The following MSN variants were observed in gnomAD, a reference collection of about 807,000 sequenced individuals.
MSN encodes the protein epididymis luminal protein 70.
In MSN, 2 loss-of-function variants were observed where a neutral mutation model predicts 48.0. That is an observed-to-expected ratio of 0.04 (90% CI 0.02 to 0.13). The LOEUF is 0.13. MSN is among the 10% of genes least tolerant of loss of function. The pLI is 1.00. For synonymous variants in MSN, 146 were observed against 166.9 expected, an observed-to-expected ratio of 0.87 and a Z score of 0.97; for missense variants, 267 against 470.1, an observed-to-expected ratio of 0.57 and a Z score of 3.99.
chrX:65,588,492 A>G, exon 1 of MSN: 1 of 735,075 alleles, frequency 1.4e-6, no homozygotes, highest in Non-Finnish European at 1.7e-6. Flanking sequence ...AGGGGCAGCC[A>G]TGAGCTCCGG....
intron 1 of MSN, among the ~76,000 whole-genome samples, chrX:65,612,780 C>T (rs1364903157): frequency 1.9e-5 from 2 of 107,977 alleles, no homozygotes; most frequent in Non-Finnish European, 3.8e-5. Flanking sequence ...AGACTGGTCT[C>T]AAGTGATTCC....
chrX:65,608,643 G>A (rs1476678047), intron 1 of MSN, among the ~76,000 whole-genome samples: 2 of 111,105 alleles, frequency 1.8e-5, no homozygotes. Context: ...AGTGTGTGCT[G>A]AGGGTTATGG....
chrX:65,638,830 AG>A (rs1454852459), intron 1 of MSN, among the ~76,000 whole-genome samples: 6 of 112,758 alleles, frequency 5.3e-5, no homozygotes, highest in Non-Finnish European at 1.1e-4. Context: ...CTGGGATTAC[AG>A]GTGTGAGCCA....
In MSN at chrX:65,740,924, C is replaced by G. The variant is rs1479468786; in HGVS notation, c.*1031C>G. 5.9e-6 allele frequency: 1 copy of G among 170,048 alleles called. No homozygotes were observed. The highest frequency in any genetic ancestry group is 3.0e-5 in the African/African-American group (1 of 33,863). The allele number at this position is 170,048 out of a possible 1,213,427, so 14.0% of individuals were successfully genotyped here. On this transcript the variant is annotated 3_prime_UTR_variant, in exon 13 of 13. Transcript: ENST00000360270. Reference sequence around the variant, plus strand: ...AGAGCTACTTGGGCCATAGCTCCTGCTCCACAGCCATCCCAGCCTTGGCAT... The same window carrying G: ...AGAGCTACTTGGGCCATAGCTCCTGGTCCACAGCCATCCCAGCCTTGGCAT...
At chrX:65,725,693 G>A (rs2071561721) in intron 2 of MSN, among the ~76,000 whole-genome samples, 1 of 111,957 alleles carries the variant, frequency 8.9e-6, no homozygotes, top group Non-Finnish European at 1.9e-5. Context: ...GGCAGTTCCA[G>A]CTGCCTATTG....
Position 65,716,868 on chromosome X carries a change from G to A in MSN, c.63G>A (p.Gln21=), listed in dbSNP as rs774220844. The A allele has an allele frequency of 8.3e-7, 1 of 1,210,252 alleles. No individual in the cohort carries two copies. Among genetic ancestry groups the A allele is most frequent in the South Asian group, 1.8e-5 (1 of 56,876 alleles). Residue 21 remains glutamine, a synonymous_variant, in exon 2 of 13, where the codon CAG becomes CAA. Transcript: ENST00000360270. ...TMDAELEFAI[Q]PNTTGKQLFD... is the part of the protein sequence containing the mutation. ...ATGCAGAGCTGGAGTTTGCCATCCA[G>A]CCCAACACCACCGGGAAGCAGCTAT...
upstream of MSN, among the ~76,000 whole-genome samples, chrX:65,663,751 G>T (rs2070842938): frequency 9.0e-6 from 1 of 111,133 alleles, no homozygotes; most frequent in African/African-American, 3.3e-5. Context: ...GAAAATGGTT[G>T]ACTGGATAAA....
chrX:65,649,119 T>C (rs1174188610), intron 1 of MSN, among the ~76,000 whole-genome samples: 1 of 108,306 alleles, frequency 9.2e-6, no homozygotes, highest in African/African-American at 3.3e-5. Context: ...AGGCAGAGTG[T>C]ATTACTTCAG....
intron 1 of MSN, among the ~76,000 whole-genome samples, chrX:65,647,491 G>A (rs897285304): frequency 8.9e-5 from 10 of 112,655 alleles, no homozygotes; most frequent in Non-Finnish European, 1.5e-4. Flanking sequence ...GATTACAGGC[G>A]TAAGCCACTG....
intron 1 of MSN, among the ~76,000 whole-genome samples, chrX:65,652,251 A>T (rs1466761449): frequency 3.6e-5 from 4 of 111,148 alleles, no homozygotes; most frequent in Non-Finnish European, 7.5e-5. Context: ...AGCCAGTCTG[A>T]GGGTTAATCA....
intron 1 of MSN, among the ~76,000 whole-genome samples, chrX:65,699,074 T>G (rs752713141): frequency 2.3e-4 from 26 of 112,213 alleles, no homozygotes; most frequent in East Asian, 5.6e-4. Context: ...ACAGCCTCCC[T>G]TCAACCAGAA....
intron 2 of MSN, among the ~76,000 whole-genome samples, chrX:65,725,382 C>T (rs2071558352): frequency 9.0e-6 from 1 of 111,412 alleles, no homozygotes; most frequent in African/African-American, 3.3e-5. Context: ...TTCTTCTCTT[C>T]AGCATCTTCA....
chrX:65,652,659 A>C (rs1284869111), intron 1 of MSN, among the ~76,000 whole-genome samples: 2 of 111,270 alleles, frequency 1.8e-5, no homozygotes, highest in Non-Finnish European at 3.8e-5. Context: ...GGAGCATGGG[A>C]TCATTAATCT....
intron 1 of MSN, among the ~76,000 whole-genome samples, chrX:65,686,526 G>C (rs1408374385): frequency 8.8e-6 from 1 of 112,999 alleles, no homozygotes; most frequent in Non-Finnish European, 1.9e-5. Flanking sequence ...TTGAGATCAG[G>C]TTCCAAAAGG....
Position 65,729,533 on chromosome X carries a change from C to T in MSN, c.288C>T (p.Asp96=), listed in dbSNP as rs2071601321. ...ATGTGTCCGAGGAATTGATTCAGGA[C>T]ATCACTCAGCGCCTGTTCTTTCTGC... The part of the protein sequence containing the change: ...PEDVSEELIQ[D]ITQRLFFLQV... Residue 96 remains aspartate (D), a synonymous_variant, in exon 4 of 13, where the codon GAC becomes GAT. Transcript: ENST00000360270. 3 of 1,211,851 alleles carry T rather than the reference C, an allele frequency of 2.5e-6. No homozygotes were observed. In the East Asian group the frequency reaches 8.9e-5, roughly 36 times the overall value.
chrX:65,674,514 C>G (rs927537067), intron 1 of MSN, among the ~76,000 whole-genome samples: 4 of 111,640 alleles, frequency 3.6e-5, no homozygotes, highest in African/African-American at 1.3e-4. Flanking sequence ...TCTCCGATGA[C>G]TGTCTTCTCT....
At chrX:65,620,407 G>A (rs1375261543) in intron 1 of MSN, among the ~76,000 whole-genome samples, 1 of 113,862 alleles carries the variant, frequency 8.8e-6, no homozygotes, top group African/African-American at 3.2e-5. Context: ...ATACAATCTC[G>A]CGGTGCGCCG....
chrX:65,727,786 G>C (rs1402424516), intron 2 of MSN, 28 bp from the exon 3 acceptor site: 3 of 1,148,683 alleles, frequency 2.6e-6, no homozygotes, highest in Middle Eastern at 2.4e-4. Context: ...TTCAATCAAT[G>C]GTTGGTTGTT....
At chrX:65,671,738 C>T (rs2070943744) in intron 1 of MSN, among the ~76,000 whole-genome samples, 2 of 111,869 alleles carry the variant, frequency 1.8e-5, no homozygotes, top group Admixed American at 1.9e-4. Flanking sequence ...TTTAACAGCC[C>T]TCTGGGTAGG....
Sources: gnomAD v4.1 joint callset for allele counts (sites outside exome capture counted in the v4.1 genomes callset) on GRCh38, gnomAD v4.1.1 for gene constraint, MANE v1.5 for transcripts, NCBI Gene and HGNC (gene_info 2026-07-23, HGNC 2026-07-21) for gene names.